Variants in CADM2 observed in about 807,000 individuals in gnomAD.
The protein encoded by CADM2 is immunoglobulin superfamily member 4D.
A neutral mutation model predicts 49.8 loss-of-function variants in CADM2; 12 were observed. The ratio of observed to expected loss-of-function variants is 0.24; its 90% CI spans 0.15 to 0.39. The LOEUF (loss-of-function observed/expected upper bound fraction) is 0.39, where lower values mean the gene tolerates loss of function less well. Ranked by LOEUF, CADM2 falls within the 10% of genes least tolerant of loss-of-function variation. The pLI, the probability that CADM2 is intolerant of heterozygous loss-of-function variation, is 1.00. For missense variants in CADM2, 378 were observed against 492.3 expected (o/e 0.77, Z 2.20); for synonymous variants, 214 against 175.4 (o/e 1.22, Z -1.74).
At chr3:85,596,182 A>G (rs1430818327) in intron 1 of CADM2, among the ~76,000 whole-genome samples, 2 of 151,298 alleles carry the variant, frequency 1.3e-5, no homozygotes, top group African/African-American at 4.9e-5. Context: ...ACTTTATTTT[A>G]TTTTTTGACT....
chr3:85,204,734 A>T (rs1340112095), intron 1 of CADM2, among the ~76,000 whole-genome samples: 1 of 152,160 alleles, frequency 6.6e-6, no homozygotes, highest in Non-Finnish European at 1.5e-5. Flanking sequence ...AGGAGCTTTG[A>T]TTAAATATAA....
At chr3:86,039,281 T>C (rs1191242221) in intron 8 of CADM2, among the ~76,000 whole-genome samples, 1 of 151,904 alleles carries the variant, frequency 6.6e-6, no homozygotes, top group Non-Finnish European at 1.5e-5. Flanking sequence ...TTGCCTCACC[T>C]GGGAAGTGAA....
chr3:85,104,084 G>A (rs4635723), intron 1 of CADM2, among the ~76,000 whole-genome samples: 70,187 of 151,120 alleles, frequency 0.46, 18,252 homozygotes, highest in Non-Finnish European at 0.61. Flanking sequence ...GGCTTTTGTT[G>A]CCATTGCTTT....
In CADM2 at chr3:85,778,453, G is replaced by A. The variant is rs576102602; in HGVS notation, c.89-23594G>A. Among the ~76,000 whole-genome samples the A allele has an allele frequency of 1.4e-4, 22 of 152,148 alleles. No individual in the cohort carries two copies. In the South Asian group the frequency reaches 4.6e-3, roughly 32 times the overall value. On this transcript the variant is annotated intron_variant, in intron 2 of 9. Transcript: ENST00000383699. ...CACATGGAGGTAATTGAATCATCATGGGAGCAGTTTCTCCCGTGATGTTCT... is the reference window on the plus strand; with the variant it reads ...CACATGGAGGTAATTGAATCATCATAGGAGCAGTTTCTCCCGTGATGTTCT...
intron 1 of CADM2, among the ~76,000 whole-genome samples, chr3:84,978,718 T>C (rs1268201307): frequency 6.6e-6 from 1 of 152,208 alleles, no homozygotes; most frequent in Non-Finnish European, 1.5e-5. Flanking sequence ...GCATGTGTGT[T>C]CTTTTTTATC....
At chr3:85,204,690 A>G (rs79395252) in intron 1 of CADM2, among the ~76,000 whole-genome samples, 14,488 of 152,212 alleles carry the variant, frequency 0.095, 850 homozygotes, top group African/African-American at 0.16. Context: ...AGAATTTGAT[A>G]CACTAGTTAA....
chr3:85,588,387 A>G (rs1437867494), intron 1 of CADM2, among the ~76,000 whole-genome samples: 7 of 152,036 alleles, frequency 4.6e-5, no homozygotes, highest in Admixed American at 3.3e-4. Flanking sequence ...CTCACCCCAC[A>G]TTGACAGTTA....
intron 1 of CADM2, among the ~76,000 whole-genome samples, chr3:85,548,636 G>T (rs1411621986): frequency 6.6e-6 from 1 of 152,118 alleles, no homozygotes; most frequent in Non-Finnish European, 1.5e-5. Context: ...AAGTAACCTA[G>T]GATCTTAAAG....
At chr3:85,155,772 C>G (rs1444552613) in intron 1 of CADM2, among the ~76,000 whole-genome samples, 3 of 152,148 alleles carry the variant, frequency 2.0e-5, no homozygotes, top group Non-Finnish European at 4.4e-5. Flanking sequence ...AACTAGAACT[C>G]AGGATTAAGA....
intron 1 of CADM2, among the ~76,000 whole-genome samples, chr3:85,288,545 A>C (rs2106920611): frequency 6.6e-6 from 1 of 152,190 alleles, no homozygotes; most frequent in South Asian, 2.1e-4. Context: ...TTATTCTTTA[A>C]AATTAGGCAT....
At chr3:85,683,982 T>G (rs2107663788) in intron 1 of CADM2, among the ~76,000 whole-genome samples, 1 of 152,304 alleles carries the variant, frequency 6.6e-6, no homozygotes, top group Admixed American at 6.5e-5. Flanking sequence ...GATAGCCACC[T>G]TCCTCAGCAA....
rs114664808 is a variant in CADM2 at position 84,993,417 on chromosome 3, G to A, written c.61+33749G>A. On this transcript the variant is annotated intron_variant, in intron 1 of 9. Transcript: ENST00000383699. ...TTCTTGACAAGGAAAAAGGAACACT[G>A]AGGGAAAAGAGATAGTACATACTGT... 4.7e-3 allele frequency among the ~76,000 whole-genome samples: 716 copies of A among 152,298 alleles called. 5 individuals carry two copies. Among genetic ancestry groups the A allele is most frequent in the African/African-American group, 0.017 (689 of 41,558 alleles).
intron 1 of CADM2, among the ~76,000 whole-genome samples, chr3:85,044,772 G>A (rs2035582781): frequency 6.7e-6 from 1 of 148,742 alleles, no homozygotes. Context: ...AAGTTTTAGT[G>A]TCTTTTTCTT....
intron 1 of CADM2, among the ~76,000 whole-genome samples, chr3:85,477,189 T>C (rs953885614): frequency 6.8e-6 from 1 of 147,802 alleles, no homozygotes; most frequent in Admixed American, 6.9e-5. Context: ...TCTTTTTTCT[T>C]AATGACTCCA....
chr3:85,963,074 G>T (rs1725041081), intron 8 of CADM2, among the ~76,000 whole-genome samples: 1 of 151,728 alleles, frequency 6.6e-6, no homozygotes, highest in Non-Finnish European at 1.5e-5. Context: ...TGTTCATTTT[G>T]CCAAAGTTGG....
At chr3:85,444,716 A>G (rs1038171501) in intron 1 of CADM2, among the ~76,000 whole-genome samples, 3 of 152,180 alleles carry the variant, frequency 2.0e-5, no homozygotes, top group African/African-American at 4.8e-5. Context: ...TCTATATTAT[A>G]TGACTCTGAA....
chr3:84,960,276 G>C (rs1022110385), intron 1 of CADM2: 1 of 151,436 alleles, frequency 6.6e-6, no homozygotes, highest in Middle Eastern at 3.1e-3. Flanking sequence ...ATTTACCTAG[G>C]AAGAGAGAGG....
chr3:85,227,991 C>T (rs915441627), intron 1 of CADM2, among the ~76,000 whole-genome samples: 14 of 152,288 alleles, frequency 9.2e-5, no homozygotes, highest in African/African-American at 2.6e-4. Context: ...TATAGAGTTT[C>T]TGCTGTTGTT....
At chr3:85,594,710 T>C (rs997874246) in intron 1 of CADM2, among the ~76,000 whole-genome samples, 2 of 152,000 alleles carry the variant, frequency 1.3e-5, no homozygotes, top group Non-Finnish European at 2.9e-5. Flanking sequence ...CTGTTTTTAC[T>C]TATTAGTGAG....
Sources: gnomAD v4.1 joint callset for allele counts (sites outside exome capture counted in the v4.1 genomes callset) on GRCh38, gnomAD v4.1.1 for gene constraint, MANE v1.5 for transcripts, NCBI Gene and HGNC (gene_info 2026-07-23, HGNC 2026-07-21) for gene names.